Variants in TENM2 observed in about 807,000 individuals in gnomAD.
The protein encoded by TENM2 is teneurin transmembrane protein 2.
In TENM2, 52 loss-of-function variants were observed where a neutral mutation model predicts 245.2. That is an observed-to-expected ratio of 0.21 (90% CI 0.17 to 0.27). The LOEUF is 0.27. TENM2 is among the 10% of genes least tolerant of loss of function. TENM2 has a pLI of 1.00. For synonymous variants in TENM2, 1,363 were observed against 1,438.9 expected (o/e 0.95, Z 1.19); for missense variants, 3,046 against 3,666.8 (o/e 0.83, Z 4.37).
At chr5:167,779,704 T>A (rs1456602055) in intron 2 of TENM2, among the ~76,000 whole-genome samples, 1 of 152,184 alleles carries the variant, frequency 6.6e-6, no homozygotes, top group Non-Finnish European at 1.5e-5. Context: ...CCTCTTCGTG[T>A]TTGAATCAAG....
Position 167,669,135 on chromosome 5 carries a change from CTT to C in TENM2, c.503-206849_503-206848del, listed in dbSNP as rs201727600. ...AGCATTTCTAAGGAATGCAGTATGACTTTGGTGGGCTCACGGTTCTCAGTGTT... is the reference window on the plus strand; with the variant it reads ...AGCATTTCTAAGGAATGCAGTATGACTGGTGGGCTCACGGTTCTCAGTGTT... On this transcript the variant is annotated intron_variant, in intron 2 of 28. Coordinates refer to ENST00000518659, the Ensembl canonical transcript of TENM2. 7.6e-3 allele frequency among the ~76,000 whole-genome samples: 1,153 copies of C among 152,182 alleles called. 19 individuals carry two copies. The highest frequency in any genetic ancestry group is 0.026 in the African/African-American group (1,073 of 41,508).
chr5:168,124,443 A>G (rs1374636475), intron 10 of TENM2, among the ~76,000 whole-genome samples: 1 of 152,214 alleles, frequency 6.6e-6, no homozygotes. Flanking sequence ...GTGAGGGGCA[A>G]TCCAGTTTGA....
At chr5:168,057,213 C>T (rs183011501) in intron 6 of TENM2, among the ~76,000 whole-genome samples, 4 of 152,102 alleles carry the variant, frequency 2.6e-5, no homozygotes, top group African/African-American at 7.2e-5. Flanking sequence ...TTAAATAAAT[C>T]GAGCTTGTGA....
At chr5:168,023,455 T>A (rs569939820) in intron 5 of TENM2, among the ~76,000 whole-genome samples, 1 of 152,164 alleles carries the variant, frequency 6.6e-6, no homozygotes. Flanking sequence ...GCCAGCTGAC[T>A]TGCAGAGCAG....
At chr5:167,905,046 A>T (rs1583325117) in intron 3 of TENM2, among the ~76,000 whole-genome samples, 1 of 152,230 alleles carries the variant, frequency 6.6e-6, no homozygotes. Context: ...GTCAGACAGC[A>T]TTTCATAAAA....
chr5:167,852,570 G>C (rs114893842), intron 2 of TENM2, among the ~76,000 whole-genome samples: 8,391 of 152,276 alleles, frequency 0.055, 272 homozygotes, highest in Middle Eastern at 0.075. Context: ...GAATTTAGTA[G>C]TTTTAACATT....
chr5:167,936,739 G>A (rs927910331), intron 3 of TENM2, among the ~76,000 whole-genome samples: 1 of 152,180 alleles, frequency 6.6e-6, no homozygotes, highest in Non-Finnish European at 1.5e-5. Flanking sequence ...TGTCACAACT[G>A]CAGGAACCCA....
At chr5:167,091,235 A>G in the TENM2 span, among the ~76,000 whole-genome samples, 2 of 152,166 alleles carry the variant, frequency 1.3e-5, no homozygotes, top group Non-Finnish European at 2.9e-5. Context: ...ACTTTTACAA[A>G]TGCAAAGTGT....
At chr5:167,658,968 G>C (rs1056683989) in intron 2 of TENM2, among the ~76,000 whole-genome samples, 5 of 152,130 alleles carry the variant, frequency 3.3e-5, no homozygotes, top group Non-Finnish European at 7.4e-5. Context: ...GTTAAATAAA[G>C]AATAAAGCCA....
At chr5:167,410,740 G>A (rs931025956) in intron 2 of TENM2, among the ~76,000 whole-genome samples, 1 of 152,008 alleles carries the variant, frequency 6.6e-6, no homozygotes, top group Non-Finnish European at 1.5e-5. Flanking sequence ...ATTATTTAAG[G>A]TAGAGATTGA....
At chr5:167,157,261 A>G in the TENM2 span, among the ~76,000 whole-genome samples, 1 of 152,184 alleles carries the variant, frequency 6.6e-6, no homozygotes, top group Admixed American at 6.5e-5. Context: ...AAAAAATACC[A>G]CACAGCTCCA....
chr5:167,002,258 A>G, the TENM2 span, among the ~76,000 whole-genome samples: 1 of 152,182 alleles, frequency 6.6e-6, no homozygotes, highest in Non-Finnish European at 1.5e-5. Flanking sequence ...AACTTGTTAT[A>G]TTGCCTAAAT....
intron 2 of TENM2, among the ~76,000 whole-genome samples, chr5:167,447,803 T>C (rs1765322028): frequency 6.6e-6 from 1 of 152,210 alleles, no homozygotes; most frequent in Admixed American, 6.5e-5. Flanking sequence ...TCTTTCTTAA[T>C]GAATGGTGAC....
At chr5:167,917,164 C>T (rs1777015588) in intron 3 of TENM2, among the ~76,000 whole-genome samples, 2 of 152,188 alleles carry the variant, frequency 1.3e-5, no homozygotes, top group African/African-American at 4.8e-5. Flanking sequence ...CTCCCTTTCC[C>T]TCACTCCTAG....
At chr5:168,053,630 G>C (rs527781529) in intron 6 of TENM2, among the ~76,000 whole-genome samples, 1 of 152,284 alleles carries the variant, frequency 6.6e-6, no homozygotes, top group East Asian at 1.9e-4. Context: ...ATTGTATTAG[G>C]TATTATAAGT....
At chr5:168,066,057 C>T (rs1286278832) in intron 7 of TENM2, among the ~76,000 whole-genome samples, 4 of 152,140 alleles carry the variant, frequency 2.6e-5, no homozygotes, top group Non-Finnish European at 5.9e-5. Context: ...AGGGAAGCCC[C>T]AGCACAAAGA....
intron 7 of TENM2, among the ~76,000 whole-genome samples, chr5:168,064,637 G>A (rs1790338562): frequency 6.6e-6 from 1 of 152,216 alleles, no homozygotes; most frequent in African/African-American, 2.4e-5. Context: ...TGCCTAGACT[G>A]TGATTGTTCT....
intron 1 of TENM2, among the ~76,000 whole-genome samples, chr5:167,370,332 A>T (rs1487617728): frequency 1.6e-5 from 2 of 124,128 alleles, no homozygotes; most frequent in East Asian, 4.8e-4. Flanking sequence ...ACAGAGTGAG[A>T]CTCCGTCTCA....
intron 1 of TENM2, among the ~76,000 whole-genome samples, chr5:167,355,431 G>T (rs1759246623): frequency 6.6e-6 from 1 of 152,176 alleles, no homozygotes; most frequent in South Asian, 2.1e-4. Context: ...TTCTGAGAGA[G>T]AGGAAGTTGA....
Sources: gnomAD v4.1 joint callset for allele counts (sites outside exome capture counted in the v4.1 genomes callset) on GRCh38, gnomAD v4.1.1 for gene constraint, MANE v1.5 for transcripts, NCBI Gene and HGNC (gene_info 2026-07-23, HGNC 2026-07-21) for gene names.